The following SETBP1 variants were observed in gnomAD, a reference collection of about 807,000 sequenced individuals.
SETBP1 encodes SET-binding protein.
A neutral mutation model predicts 101.0 loss-of-function variants in SETBP1; 9 were observed. That is an observed-to-expected ratio of 0.09 (90% CI 0.05 to 0.16). SETBP1 has a LOEUF of 0.16. Ranked by LOEUF, SETBP1 falls within the 10% of genes least tolerant of loss-of-function variation. The pLI, the probability that SETBP1 is intolerant of heterozygous loss-of-function variation, is 1.00. For missense variants in SETBP1, 1,858 were observed against 2,033.8 expected, an observed-to-expected ratio of 0.91 and a Z score of 1.66; for synonymous variants, 818 against 788.5, an observed-to-expected ratio of 1.04 and a Z score of -0.63.
At chr18:44,959,744 A>G (rs534882238) in intron 4 of SETBP1, among the ~76,000 whole-genome samples, 3 of 152,308 alleles carry the variant, frequency 2.0e-5, no homozygotes, top group Admixed American at 6.5e-5. Flanking sequence ...CATAGCAGTC[A>G]CCATGTAAGA....
chr18:44,834,498 T>C (rs1350574688), intron 2 of SETBP1, among the ~76,000 whole-genome samples: 1 of 151,968 alleles, frequency 6.6e-6, no homozygotes, highest in Non-Finnish European at 1.5e-5. Context: ...GAAGAGTATA[T>C]GTGGATGGGT....
chr18:44,875,116 G>C (rs369318052), intron 3 of SETBP1, among the ~76,000 whole-genome samples: 1 of 152,152 alleles, frequency 6.6e-6, no homozygotes, highest in Non-Finnish European at 1.5e-5. Flanking sequence ...TGAGTTACCA[G>C]GTTGCTTGTT....
intron 1 of SETBP1, among the ~76,000 whole-genome samples, chr18:44,685,086 C>T (rs1023689490): frequency 5.3e-5 from 8 of 152,092 alleles, no homozygotes; most frequent in African/African-American, 1.7e-4. Flanking sequence ...GCTGCCACCC[C>T]CTCCCAGGAG....
chr18:45,044,373 G>A (rs2073567662), intron 5 of SETBP1, among the ~76,000 whole-genome samples: 2 of 152,104 alleles, frequency 1.3e-5, no homozygotes, highest in Admixed American at 1.3e-4. Flanking sequence ...CACAAAATGA[G>A]CCCGTTTGTC....
chr18:44,898,110 C>T (rs1000144151), intron 3 of SETBP1, among the ~76,000 whole-genome samples: 10 of 152,130 alleles, frequency 6.6e-5, no homozygotes, highest in African/African-American at 2.4e-4. Context: ...CATACCTTTC[C>T]ATAGAGAGAT....
At chr18:44,925,374 C>T (rs1023824409) in intron 3 of SETBP1, among the ~76,000 whole-genome samples, 6 of 152,136 alleles carry the variant, frequency 3.9e-5, no homozygotes, top group Non-Finnish European at 7.3e-5. Flanking sequence ...AACTCACAGA[C>T]TCACTGCAGA....
chr18:44,682,723 A>C (rs2068778860), intron 1 of SETBP1, among the ~76,000 whole-genome samples: 1 of 152,192 alleles, frequency 6.6e-6, no homozygotes, highest in Admixed American at 6.5e-5. Context: ...ACGGCAGGGA[A>C]TGTAGCCCCC....
intron 4 of SETBP1, among the ~76,000 whole-genome samples, chr18:44,959,134 A>T (rs2071556891): frequency 6.6e-6 from 1 of 152,094 alleles, no homozygotes; most frequent in African/African-American, 2.4e-5. Flanking sequence ...GAAAGTTTTT[A>T]TTTTTACCTC....
chr18:44,808,383 A>G (rs2071792334), intron 2 of SETBP1, among the ~76,000 whole-genome samples: 1 of 152,118 alleles, frequency 6.6e-6, no homozygotes, highest in African/African-American at 2.4e-5. Flanking sequence ...CACTAGTTCA[A>G]CTGACATTTA....
At chr18:44,893,359 T>C (rs2069816152) in intron 3 of SETBP1, among the ~76,000 whole-genome samples, 1 of 152,222 alleles carries the variant, frequency 6.6e-6, no homozygotes, top group Non-Finnish European at 1.5e-5. Flanking sequence ...GTTCTATGAA[T>C]GCTCCATTTG....
intron 2 of SETBP1, among the ~76,000 whole-genome samples, chr18:44,738,716 G>A (rs1221148277): frequency 1.3e-5 from 2 of 149,952 alleles, no homozygotes; most frequent in African/African-American, 4.9e-5. Flanking sequence ...GGAGGTTGCA[G>A]TGAGCCAAGA....
chr18:45,004,784 C>G (rs556333791), intron 4 of SETBP1, among the ~76,000 whole-genome samples: 44 of 152,248 alleles, frequency 2.9e-4, no homozygotes, highest in African/African-American at 1.1e-3. Context: ...CTGGACCATG[C>G]AGAGTCTCTG....
intron 1 of SETBP1, among the ~76,000 whole-genome samples, chr18:44,687,263 T>G (rs2068854478): frequency 6.6e-6 from 1 of 152,170 alleles, no homozygotes; most frequent in African/African-American, 2.4e-5. Context: ...TGGTATAGAG[T>G]GTCCCTTCTA....
At chr18:44,936,839 C>T (rs1177265089) in intron 3 of SETBP1, among the ~76,000 whole-genome samples, 1 of 151,968 alleles carries the variant, frequency 6.6e-6, no homozygotes, top group Non-Finnish European at 1.5e-5. Context: ...TCAGGTAGCC[C>T]CGAGGGAAGC....
intron 3 of SETBP1, among the ~76,000 whole-genome samples, chr18:44,918,093 G>A (rs1217405937): frequency 1.3e-5 from 2 of 152,128 alleles, no homozygotes; most frequent in Non-Finnish European, 2.9e-5. Context: ...CGGTGCTGCC[G>A]AGCCATTCAT....
At chr18:44,763,163 T>C (rs949485362) in intron 2 of SETBP1, among the ~76,000 whole-genome samples, 23 of 152,158 alleles carry the variant, frequency 1.5e-4, no homozygotes, top group African/African-American at 5.6e-4. Context: ...AGCATGCCAG[T>C]CCATAAGTAA....
intron 3 of SETBP1, among the ~76,000 whole-genome samples, chr18:44,925,801 A>C (rs2070692971): frequency 6.6e-6 from 1 of 152,222 alleles, no homozygotes; most frequent in Admixed American, 6.5e-5. Flanking sequence ...ATGTTTTCAC[A>C]TCCATTAGGA....
intron 5 of SETBP1, among the ~76,000 whole-genome samples, chr18:45,053,668 A>G (rs1327300588): frequency 1.3e-5 from 2 of 152,202 alleles, no homozygotes; most frequent in Admixed American, 6.5e-5. Flanking sequence ...AAGTTCTAGC[A>G]TGGTCAACAG....
chr18:44,734,702 C>T (rs1179655379), intron 2 of SETBP1, among the ~76,000 whole-genome samples: 2 of 152,166 alleles, frequency 1.3e-5, no homozygotes, highest in East Asian at 1.9e-4. Flanking sequence ...GCCTTCCTTA[C>T]CTCTAAACTT....
Sources: allele counts gnomAD v4.1 joint callset (sites outside exome capture counted in the v4.1 genomes callset), GRCh38; gene constraint gnomAD v4.1.1; transcripts MANE v1.5; gene names NCBI Gene and HGNC (gene_info 2026-07-23, HGNC 2026-07-21).